Variants in POTEJ observed in about 807,000 individuals in gnomAD.
POTEJ encodes POTE ankyrin domain family member J.
In POTEJ, 11 loss-of-function variants were observed where a neutral mutation model predicts 69.0. The ratio of observed to expected loss-of-function variants is 0.16; its 90% CI spans 0.10 to 0.26. POTEJ has a LOEUF of 0.26. Among genes scored for constraint, POTEJ ranks in the 10% least tolerant of loss-of-function variants. POTEJ has a pLI of 1.00. For missense variants in POTEJ, 327 were observed against 1,045.5 expected, an observed-to-expected ratio of 0.31 and a Z score of 9.48; for synonymous variants, 117 against 381.1, an observed-to-expected ratio of 0.31 and a Z score of 8.07.
intron 6 of POTEJ, among the ~76,000 whole-genome samples, chr2:130,625,580 G>C (rs1293086948): frequency 6.6e-6 from 1 of 150,826 alleles, no homozygotes. Context: ...TAAAGAAGCA[G>C]AAGAAGAATG....
At chr2:130,624,898 C>G (rs1685647130) in intron 6 of POTEJ, among the ~76,000 whole-genome samples, 2 of 152,114 alleles carry the variant, frequency 1.3e-5, no homozygotes, top group African/African-American at 2.4e-5. Flanking sequence ...TAATTGTCAT[C>G]ATAACAGTAA....
At chr2:130,656,400 G>A (rs1347819652) in intron 14 of POTEJ, 149 bp from the exon 15 acceptor site, 18 of 1,105,186 alleles carry the variant, frequency 1.6e-5, no homozygotes, top group Admixed American at 2.9e-5. Flanking sequence ...CTCTTATTAG[G>A]TTTGAAGTTT....
intron 10 of POTEJ, among the ~76,000 whole-genome samples, chr2:130,642,445 G>T (rs1215598273): frequency 5.4e-5 from 7 of 128,940 alleles, no homozygotes; most frequent in Admixed American, 3.3e-4. Context: ...AGTATAATTT[G>T]TATGACTTTA....
intron 13 of POTEJ, among the ~76,000 whole-genome samples, chr2:130,651,918 A>T (rs1686819868): frequency 7.0e-6 from 1 of 143,810 alleles, no homozygotes; most frequent in South Asian, 2.2e-4. Context: ...ATAAGTAATA[A>T]AAATTGCTAT....
intron 9 of POTEJ, among the ~76,000 whole-genome samples, chr2:130,634,139 A>G (rs1686005499): frequency 6.6e-6 from 1 of 152,232 alleles, no homozygotes; most frequent in Non-Finnish European, 1.5e-5. Flanking sequence ...TTGACTTACA[A>G]AAACAGGCAG....
intron 7 of POTEJ, among the ~76,000 whole-genome samples, chr2:130,630,903 G>A (rs1282925326): frequency 1.3e-4 from 19 of 143,380 alleles, no homozygotes; most frequent in Admixed American, 1.3e-3. Flanking sequence ...GTTTGGTGTT[G>A]ATTTCGGCTC....
At chr2:130,612,570 C>G (rs1558915056) in intron 1 of POTEJ, among the ~76,000 whole-genome samples, 1 of 152,260 alleles carries the variant, frequency 6.6e-6, no homozygotes, top group Non-Finnish European at 1.5e-5. Context: ...ACCATCCTGG[C>G]TAACACGGTG....
intron 10 of POTEJ, among the ~76,000 whole-genome samples, chr2:130,639,318 C>T (rs1200300161): frequency 6.6e-6 from 1 of 152,312 alleles, no homozygotes. Flanking sequence ...AACAGTGAAG[C>T]ACAGGTCATG....
chr2:130,641,304 T>TGC, intron 10 of POTEJ, among the ~76,000 whole-genome samples: 1 of 152,154 alleles, frequency 6.6e-6, no homozygotes, highest in South Asian at 2.1e-4. Context: ...CATCAATGTA[T>TGC]TATAAGGTTT....
At chr2:130,624,351 C>A (rs535406742) in intron 6 of POTEJ, among the ~76,000 whole-genome samples, 3 of 140,610 alleles carry the variant, frequency 2.1e-5, no homozygotes, top group African/African-American at 6.1e-5. Flanking sequence ...ATGTAGAATC[C>A]GTGGAAGCTC....
At chr2:130,637,001 C>T (rs1398027296) in intron 9 of POTEJ, among the ~76,000 whole-genome samples, 2 of 146,670 alleles carry the variant, frequency 1.4e-5, no homozygotes, top group African/African-American at 5.0e-5. Flanking sequence ...ATGGCATGAA[C>T]CCGGGAGGCG....
At chr2:130,654,393 C>A (rs1175169750) in intron 13 of POTEJ, among the ~76,000 whole-genome samples, 1 of 138,756 alleles carries the variant, frequency 7.2e-6, no homozygotes, top group Non-Finnish European at 1.6e-5. Context: ...ACTCGCATTA[C>A]CGCCCGAGCT....
intron 13 of POTEJ, among the ~76,000 whole-genome samples, chr2:130,648,345 A>G (rs1413854722): frequency 7.0e-6 from 1 of 143,860 alleles, no homozygotes; most frequent in African/African-American, 2.7e-5. Flanking sequence ...TTTCTTGTCT[A>G]TCACTTTTCC....
intron 13 of POTEJ, among the ~76,000 whole-genome samples, chr2:130,648,118 T>C (rs1474761320): frequency 0.036 from 5,274 of 145,466 alleles, 2 homozygotes; most frequent in African/African-American, 0.13. Context: ...GCAAGAAATA[T>C]TCTCCTTGAG....
chr2:130,626,727 A>T (rs1685721414), intron 6 of POTEJ, among the ~76,000 whole-genome samples: 1 of 152,174 alleles, frequency 6.6e-6, no homozygotes, highest in African/African-American at 2.4e-5. Flanking sequence ...TCCTTGTCAT[A>T]CATCCTTGGA....
At chr2:130,642,821 C>G (rs1181722438) in intron 10 of POTEJ, among the ~76,000 whole-genome samples, 706 of 151,782 alleles carry the variant, frequency 4.7e-3, no homozygotes, top group African/African-American at 0.016. Flanking sequence ...TTTCAGGCCT[C>G]GCTCCCGCTC....
chr2:130,657,053 C>G lies in POTEJ; in HGVS notation c.2293C>G (p.Pro765Ala). 1 of 1,581,294 alleles carries G rather than the reference C, an allele frequency of 6.3e-7. No homozygotes were observed. Among genetic ancestry groups the G allele is most frequent in the South Asian group, 1.1e-5 (1 of 90,748 alleles). The change falls in exon 15 of 15, where the codon CCC becomes GCC. Residue 765 changes from proline to alanine, a missense_variant. Coordinates refer to ENST00000409602, the MANE Select transcript of POTEJ (RefSeq NM_001277083.2). ...GCTGCGTGTGGCCCCCGAGGAGCACCCCATCCTGCTGACCGAGGCCCCCCT... is the reference window on the plus strand; with the variant it reads ...GCTGCGTGTGGCCCCCGAGGAGCACGCCATCCTGCTGACCGAGGCCCCCCT... Reference protein sequence around the residue: ...NELRVAPEEHPILLTEAPLNP... With the variant: ...NELRVAPEEHAILLTEAPLNP...
At chr2:130,656,448 A>G (rs1313241671) in intron 14 of POTEJ, 101 bp from the exon 15 acceptor site, 2 of 1,451,642 alleles carry the variant, frequency 1.4e-6, no homozygotes, top group Non-Finnish European at 1.8e-6. Flanking sequence ...CACTATGGGG[A>G]TTCTTTCATT....
At chr2:130,624,501 A>G (rs1417052576) in intron 6 of POTEJ, among the ~76,000 whole-genome samples, 3 of 151,676 alleles carry the variant, frequency 2.0e-5, no homozygotes, top group South Asian at 4.1e-4. Context: ...TCATGCTCCA[A>G]TGAGTATCTA....
Sources: gnomAD v4.1 joint callset for allele counts (sites outside exome capture counted in the v4.1 genomes callset) on GRCh38, gnomAD v4.1.1 for gene constraint, MANE v1.5 for transcripts, NCBI Gene and HGNC (gene_info 2026-07-23, HGNC 2026-07-21) for gene names.